NEBL: variants seen among roughly 807,000 people sequenced by gnomAD.
The protein encoded by NEBL is LIM and SH3 protein 2.
Under a neutral mutation model 140.2 loss-of-function variants are expected in NEBL, and 122 were observed. The ratio of observed to expected loss-of-function variants is 0.87; its 90% CI spans 0.75 to 1.01. The LOEUF (loss-of-function observed/expected upper bound fraction) is 1.01. Ranked by LOEUF, NEBL falls within the 50% of genes least tolerant of loss-of-function variation. NEBL has a pLI of 0.00. For missense variants in NEBL, 1,365 were observed against 1,231.3 expected, an observed-to-expected ratio of 1.11 and a Z score of -1.62; for synonymous variants, 436 against 398.9, an observed-to-expected ratio of 1.09 and a Z score of -1.11.
At chr10:21,099,039 G>T (rs969055898) in intron 2 of NEBL, among the ~76,000 whole-genome samples, 1 of 152,130 alleles carries the variant, frequency 6.6e-6, no homozygotes, top group African/African-American at 2.4e-5. Context: ...AGGCTAAGGC[G>T]GTAGGATGGC....
intron 5 of NEBL, among the ~76,000 whole-genome samples, chr10:20,877,601 G>GGGAGTAGACATGTTCAAATGGT (rs1484129467): frequency 6.6e-6 from 1 of 152,178 alleles, no homozygotes; most frequent in African/African-American, 2.4e-5. Flanking sequence ...AAGGCTGCCT[G>GGGAGTAGACATGTTCAAATGGT]GGAGTAGACA....
intron 1 of NEBL, among the ~76,000 whole-genome samples, chr10:21,272,118 ATTT>A (rs10678454): frequency 0.042 from 3,340 of 78,974 alleles, 222 homozygotes; most frequent in African/African-American, 0.18. Context: ...CACTTGGTTA[ATTT>A]TTTTTTTTTT....
chr10:20,921,132 C>T (rs12359138), intron 4 of NEBL, among the ~76,000 whole-genome samples: 25,478 of 152,106 alleles, frequency 0.17, 2,519 homozygotes, highest in African/African-American at 0.28. Context: ...ATGCCTTTTC[C>T]TAACTCAGGA....
chr10:21,224,573 A>G (rs925920086), intron 3 of NEBL, among the ~76,000 whole-genome samples: 6 of 152,138 alleles, frequency 3.9e-5, no homozygotes, highest in African/African-American at 1.4e-4. Context: ...TTTGATAAGG[A>G]TTGCATTTAT....
intron 2 of NEBL, among the ~76,000 whole-genome samples, chr10:20,890,861 C>T (rs533275544): frequency 6.6e-6 from 1 of 152,338 alleles, no homozygotes; most frequent in Admixed American, 6.5e-5. Flanking sequence ...GAAGGCAAAA[C>T]TATGACTCAT....
At chr10:20,857,690 G>C (rs1843222537) in intron 9 of NEBL, among the ~76,000 whole-genome samples, 1 of 152,110 alleles carries the variant, frequency 6.6e-6, no homozygotes, top group Admixed American at 6.6e-5. Flanking sequence ...AGTGCACCCA[G>C]ATATTTTCAT....
intron 1 of NEBL, among the ~76,000 whole-genome samples, chr10:21,287,561 A>C (rs1390830968): frequency 6.6e-6 from 1 of 152,188 alleles, no homozygotes. Flanking sequence ...AAGGGTTGAA[A>C]GTATGTTCAA....
chr10:21,215,464 C>T (rs1203086147), intron 3 of NEBL, among the ~76,000 whole-genome samples: 2 of 152,100 alleles, frequency 1.3e-5, no homozygotes, highest in Admixed American at 1.3e-4. Flanking sequence ...CAAAACAATA[C>T]AAACTCATGA....
intron 1 of NEBL, among the ~76,000 whole-genome samples, chr10:21,259,241 C>A (rs1842705587): frequency 6.6e-6 from 1 of 152,082 alleles, no homozygotes; most frequent in Non-Finnish European, 1.5e-5. Flanking sequence ...GAGTGTGCCA[C>A]CATGCCCAGC....
intron 3 of NEBL, among the ~76,000 whole-genome samples, chr10:20,962,886 A>G (rs922625073): frequency 1.3e-5 from 2 of 152,094 alleles, no homozygotes; most frequent in African/African-American, 4.8e-5. Context: ...ACTTCGTTGA[A>G]CATGGAATGG....
intron 4 of NEBL, among the ~76,000 whole-genome samples, chr10:20,947,028 G>A (rs2131584446): frequency 6.6e-6 from 1 of 152,266 alleles, no homozygotes; most frequent in East Asian, 1.9e-4. Context: ...AAATAACCAG[G>A]AGTACAGGGT....
At chr10:21,033,630 C>T (rs1833885044) in intron 2 of NEBL, among the ~76,000 whole-genome samples, 1 of 151,860 alleles carries the variant, frequency 6.6e-6, no homozygotes, top group Admixed American at 6.6e-5. Flanking sequence ...GTCCCAGCTA[C>T]TCGGGAGGCT....
chr10:21,262,386 C>T (rs1163061258), intron 1 of NEBL, among the ~76,000 whole-genome samples: 1 of 152,130 alleles, frequency 6.6e-6, no homozygotes, highest in Non-Finnish European at 1.5e-5. Context: ...GCTCTCTGGC[C>T]CACTCGGCTA....
chr10:21,127,538 A>G (rs891939482), intron 2 of NEBL, among the ~76,000 whole-genome samples: 2 of 151,840 alleles, frequency 1.3e-5, no homozygotes, highest in African/African-American at 4.8e-5. Flanking sequence ...AGTACATAGC[A>G]CCAACTATAC....
intron 3 of NEBL, among the ~76,000 whole-genome samples, chr10:20,962,383 C>T (rs759042518): frequency 6.6e-6 from 1 of 152,204 alleles, no homozygotes; most frequent in Non-Finnish European, 1.5e-5. Context: ...ATGGCAAGTA[C>T]ATAAATGCTT....
intron 1 of NEBL, among the ~76,000 whole-genome samples, chr10:21,273,272 A>G (rs149180560): frequency 6.6e-6 from 1 of 152,316 alleles, no homozygotes; most frequent in Admixed American, 6.5e-5. Context: ...GTAAAATTTC[A>G]ACAGGAGGAA....
chr10:21,009,466 A>T (rs1838253706), intron 3 of NEBL, among the ~76,000 whole-genome samples: 1 of 152,224 alleles, frequency 6.6e-6, no homozygotes, highest in African/African-American at 2.4e-5. Flanking sequence ...ACCAGTTGGG[A>T]TCAAATTTGT....
At chr10:21,272,053 G>T (rs1305008307) in intron 1 of NEBL, among the ~76,000 whole-genome samples, 1 of 149,340 alleles carries the variant, frequency 6.7e-6, no homozygotes, top group Non-Finnish European at 1.5e-5. Context: ...CGCCTCCCAG[G>T]TTCACACCAT....
intron 1 of NEBL, among the ~76,000 whole-genome samples, chr10:21,284,033 C>A: frequency 1.3e-5 from 1 of 79,252 alleles, no homozygotes; most frequent in African/African-American, 5.6e-5. Flanking sequence ...ACCTAATCTG[C>A]ACTAAAAAAA....
Sources: allele counts gnomAD v4.1 joint callset (sites outside exome capture counted in the v4.1 genomes callset), GRCh38; gene constraint gnomAD v4.1.1; transcripts MANE v1.5; gene names NCBI Gene and HGNC (gene_info 2026-07-23, HGNC 2026-07-21).